The following NOS2 variants were observed in gnomAD, a reference collection of about 807,000 sequenced individuals.
NOS2 encodes nitric oxide synthase, inducible.
NOS2 carries 96 observed loss-of-function variants against 136.0 expected under a neutral mutation model. That is an observed-to-expected ratio of 0.71 (90% CI 0.60 to 0.84). The LOEUF is 0.84. Among genes scored for constraint, NOS2 ranks in the 40% least tolerant of loss-of-function variants. NOS2 has a pLI of 0.00. For synonymous variants in NOS2, 539 were observed against 587.5 expected (o/e 0.92, Z 1.20); for missense variants, 1,237 against 1,496.9 (o/e 0.83, Z 2.87).
chr17:27,774,256 C>T lies in NOS2; in HGVS notation c.1476+1G>A. Reference sequence around the variant, plus strand: ...AAGGAGAGAAGAGGAAGGCCCCTAACCTGATAGTAGTAGAAAGGGGACAGG... The same window carrying T: ...AAGGAGAGAAGAGGAAGGCCCCTAATCTGATAGTAGTAGAAAGGGGACAGG... On this transcript the variant is annotated splice_donor_variant, in intron 12 of 26. Transcript: ENST00000313735. LOFTEE classifies it high-confidence loss of function. 6.7e-7 allele frequency: 1 copy of T among 1,491,192 alleles called. No homozygotes were observed. Among genetic ancestry groups the T allele is most frequent in the Non-Finnish European group, 8.9e-7 (1 of 1,118,638 alleles). 92.4% of individuals were successfully genotyped at this position (1,491,192 alleles called of 1,614,324 possible).
chr17:27,760,176 C>A lies in NOS2; in HGVS notation c.3013G>T (p.Val1005Leu). 1 of 1,563,494 alleles carries A rather than the reference C, an allele frequency of 6.4e-7. No individual in the cohort carries two copies. The change falls in exon 25 of 27, where the codon GTG (valine) becomes TTG (leucine). Residue 1005 changes from valine to leucine, a missense_variant and splice_region_variant. Physicochemically the swap from Val to Leu is conservative, Grantham distance 32. This residue lies in a region of NOS2 where 782 missense variants were observed against 909.9 expected (regional missense o/e 0.86). Coordinates refer to ENST00000313735, the MANE Select transcript of NOS2 (RefSeq NM_000625.4). ...QRLHDSQHKG[V>L]RGGRMTLVFG... ...ACCAAGGTCATGCGGCCTCCCCGCA[C>A]TCCTGCAGGAGTCCCGGGCTGTTGT...
intron 13 of NOS2, 145 bp downstream of exon 13, chr17:27,773,016 C>A: frequency 1.3e-6 from 1 of 743,380 alleles, no homozygotes; most frequent in Non-Finnish European, 2.4e-6. Flanking sequence ...GCCTGGGTGA[C>A]AGAGTAAGAC....
rs1060822 is a variant in NOS2 at position 27,765,605 on chromosome 17, A to G, written c.2358T>C (p.Gly786=). ...CPGNQPALVQ[G]ILERVVDGPT... ...GGCCATCCACCACTCGCTCCAGGATACCTTGGACCAGGGCCGGCTGGTTGC... is the reference window on the plus strand; with the variant it reads ...GGCCATCCACCACTCGCTCCAGGATGCCTTGGACCAGGGCCGGCTGGTTGC... The change falls in exon 20 of 27, where the codon GGT becomes GGC. Residue 786 remains glycine (G), a synonymous_variant. Transcript: ENST00000313735. The G allele has an allele frequency of 0.64, 1,024,580 of 1,612,444 alleles. 329,856 individuals carry two copies. The highest frequency in any genetic ancestry group is 0.83 in the South Asian group (75,418 of 91,022).
In NOS2 at chr17:27,780,795, C is replaced by A. The variant is rs1312972175; in HGVS notation, c.976G>T (p.Val326Leu). The A allele has an allele frequency of 1.2e-6, 2 of 1,614,222 alleles. No homozygotes were observed. The highest frequency in any genetic ancestry group is 1.7e-6 in the Non-Finnish European group (2 of 1,180,044). ...PELFEIPPDL[V>L]LEVAMEHPKY... ...GGATGTTCCATGGCCACCTCAAGCA[C>A]AAGGTCAGGTGGGATTTCGAAGAGC... The change falls in exon 9 of 27, where the codon GTG becomes TTG. Residue 326 changes from valine to leucine, a missense_variant. Physicochemically the swap from Val to Leu is conservative, Grantham distance 32 (BLOSUM62 1). Transcript: ENST00000313735.
At chr17:27,793,642 C>T (rs893074475) in intron 2 of NOS2, 1 of 397,440 alleles carries the variant, frequency 2.5e-6, no homozygotes, top group Middle Eastern at 6.3e-4. Context: ...GCAGAGCAGC[C>T]TGCACAGCCG....
At chr17:27,763,200 A>G (rs28944186) in intron 21 of NOS2, among the ~76,000 whole-genome samples, 195 bp from the exon 22 acceptor site, 17,410 of 152,272 alleles carry the variant, frequency 0.11, 1,275 homozygotes, top group Middle Eastern at 0.23. Flanking sequence ...AGTCCAGTAC[A>G]TTTATCTAAC....
chr17:27,768,194 G>A (rs1462604611), intron 17 of NOS2, among the ~76,000 whole-genome samples: 3 of 151,140 alleles, frequency 2.0e-5, no homozygotes. Flanking sequence ...TGAGACTACA[G>A]GTACGCACAA....
At position 27,797,791 on chromosome 17, in the gene NOS2, T is replaced by G. The variant is rs141607701; in HGVS notation, c.110+909A>C. 2.0e-4 allele frequency among the ~76,000 whole-genome samples: 31 copies of G among 152,332 alleles called. No homozygotes were observed. In the East Asian group the frequency reaches 5.4e-3, roughly 27 times the overall value. On this transcript the variant is annotated intron_variant, in intron 2 of 26. Transcript: ENST00000313735. ...ATTAACTGACTCATTCTCTTGGTTCTGCCCTGGGAGGAAGGATGGGCCCGG... is the reference window on the plus strand; with the variant it reads ...ATTAACTGACTCATTCTCTTGGTTCGGCCCTGGGAGGAAGGATGGGCCCGG...
intron 2 of NOS2, chr17:27,793,454 C>T (rs1033293141): frequency 2.6e-6 from 1 of 391,650 alleles, no homozygotes; most frequent in East Asian, 3.6e-5. Flanking sequence ...GAGGAAAACG[C>T]TTTTAGTAAA....
At chr17:27,766,176 C>A (rs1364885300) in intron 19 of NOS2, among the ~76,000 whole-genome samples, 1 of 152,204 alleles carries the variant, frequency 6.6e-6, no homozygotes, top group African/African-American at 2.4e-5. Flanking sequence ...TCCTTCCCTG[C>A]CAACACTTTT....
intron 11 of NOS2, among the ~76,000 whole-genome samples, chr17:27,778,334 G>T (rs912546673): frequency 3.3e-5 from 5 of 152,176 alleles, no homozygotes; most frequent in Non-Finnish European, 5.9e-5. Flanking sequence ...AGTGGCTGGA[G>T]GGAGCCTGAG....
intron 2 of NOS2, among the ~76,000 whole-genome samples, chr17:27,797,023 ACCCTGCATTCAAG>A (rs1909374534): frequency 6.6e-6 from 1 of 151,934 alleles, no homozygotes; most frequent in African/African-American, 2.4e-5. Flanking sequence ...CAAATCTCCT[ACCCTGCATTCAAG>A]CCCTTGTGCT....
intron 4 of NOS2, 38 bp from the exon 5 acceptor site, chr17:27,787,864 C>T (rs928327200): frequency 2.1e-5 from 33 of 1,570,594 alleles, no homozygotes; most frequent in African/African-American, 4.1e-5. Flanking sequence ...GTGGGCCATT[C>T]GGCCTCTTGC....
Position 27,763,006 on chromosome 17 carries a change from C to T in NOS2, c.2593-1G>A. On this transcript the variant is annotated splice_acceptor_variant, in intron 21 of 26. Transcript: ENST00000313735. LOFTEE classifies it high-confidence loss of function. ...ACTTCCACTTGCTGTACTCTGAGGG[C>T]TAAAAGCCAAGGGTGATGTCAGTGA... 2 of 1,593,530 alleles carry T rather than the reference C, an allele frequency of 1.3e-6. No individual in the cohort carries two copies. Among genetic ancestry groups the T allele is most frequent in the Non-Finnish European group, 1.7e-6 (2 of 1,170,356 alleles).
At chr17:27,777,473 G>A (rs1351842862) in intron 11 of NOS2, among the ~76,000 whole-genome samples, 2 of 152,182 alleles carry the variant, frequency 1.3e-5, no homozygotes, top group Non-Finnish European at 2.9e-5. Flanking sequence ...CTTAAGAGGA[G>A]GTGGAGGTTG....
At chr17:27,768,905 AGCACAGATGTCCTAGGCATGAAT>A (rs2151327426) in intron 17 of NOS2, 49 bp downstream of exon 17, 1 of 1,455,252 alleles carries the variant, frequency 6.9e-7, no homozygotes, top group African/African-American at 1.4e-5. Flanking sequence ...TGGGACGCCC[AGCACAGATGTCCTAGGCATGAAT>A]GCACCCTGTC....
At chr17:27,760,845 G>C (rs1057460593) in intron 23 of NOS2, 101 bp from the exon 24 acceptor site, 18 of 1,407,790 alleles carry the variant, frequency 1.3e-5, no homozygotes, top group Admixed American at 7.7e-5. Flanking sequence ...CGGTCGTGAG[G>C]GGGTGGAGAG....
rs748080260 is a variant in NOS2 at position 27,762,787 on chromosome 17, C to T, written c.2800+11G>A. On this transcript the variant is annotated intron_variant, in intron 22 of 26. Transcript: ENST00000313735. ...AGCGGGGCTGTTCCAGAGCCTCTGC[C>T]CCTGGCTCACCTCGGGTGTGGTAGG... 4 of 1,540,416 alleles carry T rather than the reference C, an allele frequency of 2.6e-6. No individual in the cohort carries two copies. Among genetic ancestry groups the T allele is most frequent in the Non-Finnish European group, 3.5e-6 (4 of 1,141,364 alleles).
intron 5 of NOS2, among the ~76,000 whole-genome samples, chr17:27,786,498 C>A (rs866491754): frequency 2.6e-5 from 4 of 152,160 alleles, no homozygotes; most frequent in African/African-American, 9.7e-5. Context: ...TTCTTTCTTA[C>A]AATCTCTTCA....
Sources: allele counts gnomAD v4.1 joint callset (sites outside exome capture counted in the v4.1 genomes callset), GRCh38; gene constraint gnomAD v4.1.1; regional missense constraint gnomAD v4.1.1; transcripts MANE v1.5; gene names NCBI Gene and HGNC (gene_info 2026-07-23, HGNC 2026-07-21).